The following TMEM120B variants were observed in gnomAD, a reference collection of about 807,000 sequenced individuals.
TMEM120B encodes the protein transmembrane protein 120B.
A neutral mutation model predicts 55.5 loss-of-function variants in TMEM120B; 31 were observed. The observed-to-expected ratio is 0.56, with a 90% CI of 0.42 to 0.75. The LOEUF is 0.75. Among genes scored for constraint, TMEM120B ranks in the 30% least tolerant of loss-of-function variants. TMEM120B has a pLI of 0.00. For synonymous variants in TMEM120B, 203 were observed against 176.3 expected (o/e 1.15, Z -1.20); for missense variants, 399 against 425.5 (o/e 0.94, Z 0.55).
rs370582630 is a variant in TMEM120B, at chr12:121,781,022, G to A, written c.*5300G>A. Reference sequence around the variant, plus strand: ...CAGGGAACCACTGTGGAGGGAGGAGGCGGGATCAGGGGTGCGGCCGGGCCC... The same window carrying A: ...CAGGGAACCACTGTGGAGGGAGGAGACGGGATCAGGGGTGCGGCCGGGCCC... On this transcript the variant is annotated 3_prime_UTR_variant, in exon 12 of 12. Coordinates refer to ENST00000449592, the MANE Select transcript of TMEM120B (RefSeq NM_001080825.2). 46 of 1,613,300 alleles carry A rather than the reference G, an allele frequency of 2.9e-5. No homozygotes were observed. Among genetic ancestry groups the A allele is most frequent in the Non-Finnish European group, 3.8e-5 (45 of 1,179,474 alleles).
At chr12:121,761,819 AC>A in intron 6 of TMEM120B, 81 bp downstream of exon 6, 1 of 1,102,430 alleles carries the variant, frequency 9.1e-7, no homozygotes, top group Non-Finnish European at 1.4e-6. Context: ...GGGGGCCGAC[AC>A]CCTCAGGCTG....
In TMEM120B at chr12:121,781,818, G is replaced by A. The variant is rs1358618809; in HGVS notation, c.*6096G>A. 6.5e-6 allele frequency: 1 copy of A among 153,170 alleles called. No homozygotes were observed. The highest frequency in any genetic ancestry group is 1.9e-4 in the East Asian group (1 of 5,208). 9.5% of individuals were successfully genotyped at this position (153,170 alleles called of 1,614,324 possible). ...TATTCTTGCAAGCACTAGGAGGAGG[G>A]TGGTGGGTTGCTGGGAACAGCACCG... On this transcript the variant is annotated 3_prime_UTR_variant, in exon 12 of 12. Coordinates refer to ENST00000449592, the MANE Select transcript of TMEM120B (RefSeq NM_001080825.2).
rs2137424536 is a variant in TMEM120B, at chr12:121,775,515, TG to T, written c.907-89del. 1.3e-6 allele frequency: 2 copies of T among 1,501,726 alleles called. No individual in the cohort carries two copies. Among genetic ancestry groups the T allele is most frequent in the East Asian group, 4.6e-5 (2 of 43,738 alleles). 93.0% of individuals were successfully genotyped at this position (1,501,726 alleles called of 1,614,324 possible). ...GGCAAAACCCTGCAGTTTGGGAGTT[TG>T]GGGGCAGCTGTGCTGGAGATTCTGG... On this transcript the variant is annotated intron_variant, in intron 11 of 11. Coordinates refer to ENST00000449592, the MANE Select transcript of TMEM120B (RefSeq NM_001080825.2). The surrounding 1 kb of genome is among the most constrained non-coding windows in gnomAD (Gnocchi z 4.3).
chr12:121,742,625 G>C (rs1402798641), intron 1 of TMEM120B, among the ~76,000 whole-genome samples: 1 of 151,622 alleles, frequency 6.6e-6, no homozygotes, highest in African/African-American at 2.4e-5. Flanking sequence ...TCATACTTTC[G>C]CCCAGGCTGG....
In TMEM120B at chr12:121,768,809, G is replaced by A. The variant is rs1592947826; in HGVS notation, c.552-2098G>A. 2.0e-5 allele frequency among the ~76,000 whole-genome samples: 3 copies of A among 151,890 alleles called. No individual in the cohort carries two copies. The East Asian group carries it at 5.8e-4, about 29-fold the overall frequency. On this transcript the variant is annotated intron_variant, in intron 6 of 11. Transcript: ENST00000449592. The stretch of plus-strand genomic sequence containing the variant: ...TTTCCTAGGCTGCCCCTGATGCTGG[G>A]GGTGGGGGGTGACAACCAGGCTCTA...
chr12:121,748,508 T>A, intron 3 of TMEM120B, 66 bp downstream of exon 3: 1 of 1,100,140 alleles, frequency 9.1e-7, no homozygotes, highest in Non-Finnish European at 1.3e-6. Context: ...AGCTGGTCCA[T>A]ATAACTCTCG....
In TMEM120B at chr12:121,779,227, G is replaced by A. The variant is rs375731927; in HGVS notation, c.*3505G>A. 5.8e-4 allele frequency: 296 copies of A among 509,510 alleles called. 3 individuals carry two copies. The South Asian group carries it at 6.7e-3, about 12-fold the overall frequency. 31.6% of individuals were successfully genotyped at this position (509,510 alleles called of 1,614,324 possible). A position where few individuals can be genotyped will look rare whatever the true frequency, so the allele number is the denominator to read the frequency against. On this transcript the variant is annotated 3_prime_UTR_variant, in exon 12 of 12. Coordinates refer to ENST00000449592, the MANE Select transcript of TMEM120B (RefSeq NM_001080825.2). ...TGCACTGGGGAGACACTCGTGGTGGGGGTGGCTGTGATGAGGGCACTTGCG... is the reference window on the plus strand; with the variant it reads ...TGCACTGGGGAGACACTCGTGGTGGAGGTGGCTGTGATGAGGGCACTTGCG...
At position 121,775,765 on chromosome 12, in the gene TMEM120B, G is replaced by A; in HGVS notation, c.*43G>A. The A allele has an allele frequency of 6.2e-7, 1 of 1,602,954 alleles. No homozygotes were observed. Among genetic ancestry groups the A allele is most frequent in the South Asian group, 1.1e-5 (1 of 90,772 alleles). On this transcript the variant is annotated 3_prime_UTR_variant, in exon 12 of 12. Transcript: ENST00000449592. The surrounding 1 kb of genome is among the most constrained non-coding windows in gnomAD (Gnocchi z 4.3). ...CCTCGGCCCGGACTTCAGACTGCAG[G>A]GGGCTCCCGGGCTCCTTCCCAGCAG...
rs1188100919 is a variant in TMEM120B at position 121,777,630 on chromosome 12, G to A, written c.*1908G>A. ...CACCTGCGTTTGCCCTAGATTAGGA[G>A]TCAGCTAGCTGTCTGTAAAGGGCCA... On this transcript the variant is annotated 3_prime_UTR_variant, in exon 12 of 12. Transcript: ENST00000449592. The A allele has an allele frequency of 6.6e-6, 1 of 152,204 alleles. No homozygotes were observed. Among genetic ancestry groups the A allele is most frequent in the African/African-American group, 2.4e-5 (1 of 41,418 alleles). The allele number at this position is 152,204 out of a possible 1,614,324, so 9.4% of individuals were successfully genotyped here. A position where few individuals can be genotyped will look rare whatever the true frequency, so the allele number is the denominator to read the frequency against.
intron 5 of TMEM120B, 44 bp downstream of exon 5, chr12:121,752,267 G>C (rs201834321): frequency 1.3e-6 from 2 of 1,548,518 alleles, no homozygotes; most frequent in African/African-American, 2.7e-5. Context: ...GCATGCAGAC[G>C]TCAGGTGGGG....
chr12:121,754,788 T>G (rs1873432428), intron 5 of TMEM120B, among the ~76,000 whole-genome samples: 1 of 152,216 alleles, frequency 6.6e-6, no homozygotes, highest in East Asian at 1.9e-4. Context: ...ACGTGAATTT[T>G]GGAAGGATGC....
intron 6 of TMEM120B, among the ~76,000 whole-genome samples, chr12:121,768,151 G>A (rs1873908744): frequency 2.0e-5 from 3 of 152,104 alleles, no homozygotes; most frequent in Admixed American, 2.0e-4. Context: ...GAGTTTTCTG[G>A]GGACAAAGAA....
intron 1 of TMEM120B, among the ~76,000 whole-genome samples, chr12:121,716,906 A>C (rs1381954248): frequency 6.6e-6 from 1 of 151,964 alleles, no homozygotes; most frequent in Non-Finnish European, 1.5e-5. Flanking sequence ...TAATTCTCAG[A>C]CCCCAGAAGA....
At position 121,781,226 on chromosome 12, in the gene TMEM120B, TC is replaced by T. The variant is rs774566724; in HGVS notation, c.*5508del. 1 of 1,590,098 alleles carries T rather than the reference TC, an allele frequency of 6.3e-7. No individual in the cohort carries two copies. Among genetic ancestry groups the T allele is most frequent in the Non-Finnish European group, 8.6e-7 (1 of 1,159,196 alleles). ...ACAGAGCAGCGGGGGTCAGGGGACGTCCCCTCCCTGTCTGGACTCTGACGGG... is the reference window on the plus strand; with the variant it reads ...ACAGAGCAGCGGGGGTCAGGGGACGTCCCTCCCTGTCTGGACTCTGACGGG... On this transcript the variant is annotated 3_prime_UTR_variant, in exon 12 of 12. Transcript: ENST00000449592.
chr12:121,718,175 C>G (rs1422236528), intron 1 of TMEM120B, among the ~76,000 whole-genome samples: 1 of 152,148 alleles, frequency 6.6e-6, no homozygotes, highest in African/African-American at 2.4e-5. Flanking sequence ...CACAGATTAT[C>G]CCATTTAATC....
chr12:121,735,713 CCAAGTCT>C (rs2137076645), intron 1 of TMEM120B, among the ~76,000 whole-genome samples: 1 of 141,580 alleles, frequency 7.1e-6, no homozygotes, highest in South Asian at 2.3e-4. Flanking sequence ...TTTTTTGAGA[CCAAGTCT>C]CACTCTGTCG....
Position 121,718,343 on chromosome 12 carries a change from A to C in TMEM120B, c.69+5379A>C, listed in dbSNP as rs559580197. On this transcript the variant is annotated intron_variant, in intron 1 of 11. Coordinates refer to ENST00000449592, the MANE Select transcript of TMEM120B (RefSeq NM_001080825.2). ...TATAAAACAAACAAACAAACAAAAA[A>C]CAAAAAAAAACCTTAGCTGGGCATT... Among the ~76,000 whole-genome samples, 101 of 151,920 alleles carry C rather than the reference A, an allele frequency of 6.6e-4. 1 individual carries two copies. The highest frequency in any genetic ancestry group is 3.4e-3 in the Middle Eastern group (1 of 294).
At chr12:121,718,372 C>T (rs965893765) in intron 1 of TMEM120B, among the ~76,000 whole-genome samples, 2 of 151,982 alleles carry the variant, frequency 1.3e-5, no homozygotes, top group Non-Finnish European at 2.9e-5. Context: ...GGGCATTGGT[C>T]GCTCGCTCCT....
Position 121,779,959 on chromosome 12 carries a change from C to T in TMEM120B, c.*4237C>T. The T allele has an allele frequency of 2.8e-6, 1 of 353,466 alleles. No homozygotes were observed. The highest frequency in any genetic ancestry group is 5.3e-6 in the Non-Finnish European group (1 of 189,578). 21.9% of individuals were successfully genotyped at this position (353,466 alleles called of 1,614,324 possible). ...GGGGTTGGTTCCCCCAGGTGTCTCC[C>T]AGGCCTGTGAGAAGAGTTGGAGGCC... On this transcript the variant is annotated 3_prime_UTR_variant, in exon 12 of 12. Coordinates refer to ENST00000449592, the MANE Select transcript of TMEM120B (RefSeq NM_001080825.2).
Sources: gnomAD v4.1 joint callset for allele counts (sites outside exome capture counted in the v4.1 genomes callset) on GRCh38, gnomAD v4.1.1 for gene constraint, Gnocchi (gnomAD v3.1) non-coding constraint, MANE v1.5 for transcripts, NCBI Gene and HGNC (gene_info 2026-07-23, HGNC 2026-07-21) for gene names.